REG1A: variants seen among roughly 807,000 people sequenced by gnomAD.
REG1A encodes the protein lithostathine-1-alpha.
Under a neutral mutation model 20.7 loss-of-function variants are expected in REG1A, and 20 were observed. The observed-to-expected ratio is 0.97, with a 90% CI of 0.68 to 1.41. The LOEUF is 1.41. Among genes scored for constraint, REG1A ranks in the 40% most tolerant of loss-of-function variants. The probability of loss-of-function intolerance (pLI) is 0.00; values close to 1 mark genes in which losing one functional copy is unlikely to be tolerated. For missense variants in REG1A, 193 were observed against 201.8 expected, an observed-to-expected ratio of 0.96 and a Z score of 0.26; for synonymous variants, 90 against 71.6, an observed-to-expected ratio of 1.26 and a Z score of -1.30.
chr2:79,122,160 G>A (rs747834711), intron 4 of REG1A, 35 bp downstream of exon 4: 19 of 1,602,534 alleles, frequency 1.2e-5, no homozygotes, highest in Admixed American at 3.5e-5. Context: ...CTAATGATCA[G>A]GTTTGAGAAG....
rs369983287 is a variant in REG1A, at chr2:79,122,838, T to C, written c.322-3T>C. On this transcript the variant is annotated splice_polypyrimidine_tract_variant and splice_region_variant and intron_variant, in intron 4 of 5. Transcript: ENST00000233735. Reference sequence around the variant, plus strand: ...GCCTCTGTTCTGGCCCTTCCCCATCTAGAACCGCCGCTGGCACTGGAGCAG... The same window carrying C: ...GCCTCTGTTCTGGCCCTTCCCCATCCAGAACCGCCGCTGGCACTGGAGCAG... 35 of 1,612,082 alleles carry C rather than the reference T, an allele frequency of 2.2e-5. No individual in the cohort carries two copies. The African/African-American group carries it at 4.0e-4, about 18-fold the overall frequency.
intron 1 of REG1A, 127 bp from the exon 2 acceptor site, chr2:79,120,689 C>T (rs964533678): frequency 2.2e-6 from 1 of 459,004 alleles, no homozygotes. Context: ...TCAAGAGAAA[C>T]ATTTGAAGGT....
intron 3 of REG1A, 149 bp from the exon 4 acceptor site, chr2:79,121,839 C>A: frequency 7.4e-7 from 1 of 1,351,228 alleles, no homozygotes; most frequent in Non-Finnish European, 1.1e-6. Flanking sequence ...TTATTCAGCA[C>A]ATTCCCAGCA....
At chr2:79,121,016 A>G (rs1672876605) in intron 2 of REG1A, 91 bp downstream of exon 2, 1 of 1,033,778 alleles carries the variant, frequency 9.7e-7, no homozygotes, top group Non-Finnish European at 1.4e-6. Flanking sequence ...AAAAAAAAAA[A>G]AAGCAGAGTC....
chr2:79,121,946 A>G (rs1184315729), intron 3 of REG1A, 42 bp from the exon 4 acceptor site: 1 of 1,608,594 alleles, frequency 6.2e-7, no homozygotes, highest in Admixed American at 1.7e-5. Context: ...TATCCGTCAC[A>G]ACTTCCTCCT....
Position 79,120,849 on chromosome 2 carries a change from A to G in REG1A, c.-13A>G, listed in dbSNP as rs1163487817. The stretch of plus-strand genomic sequence containing the variant: ...GATTTGCCTCTTAAGCAAGAGATTC[A>G]TTGCAGCTCAGCATGGCTCAGACCA... On this transcript the variant is annotated 5_prime_UTR_variant, in exon 2 of 6. Transcript: ENST00000233735. The G allele has an allele frequency of 5.6e-6, 9 of 1,596,254 alleles. No homozygotes were observed. The highest frequency in any genetic ancestry group is 7.7e-6 in the Non-Finnish European group (9 of 1,168,284).
At position 79,120,520 on chromosome 2, in the gene REG1A, T is replaced by C. The variant is rs771685184; in HGVS notation, c.-47+6T>C. ...AACTCAGACTCAGCCAACAGGTAAG[T>C]GGGCATTACAGGAGAAGGGCGTCTC... On this transcript the variant is annotated splice_donor_region_variant and intron_variant, in intron 1 of 5. Coordinates refer to ENST00000233735, the MANE Select transcript of REG1A (RefSeq NM_002909.5). 4.6e-6 allele frequency: 1 copy of C among 219,636 alleles called. No homozygotes were observed. The highest frequency in any genetic ancestry group is 8.9e-6 in the Non-Finnish European group (1 of 112,412). The allele number at this position is 219,636 out of a possible 1,614,324, so 13.6% of individuals were successfully genotyped here.
intron 5 of REG1A, 40 bp from the exon 6 acceptor site, chr2:79,123,108 T>C (rs1269665737): frequency 1.3e-6 from 2 of 1,553,512 alleles, no homozygotes; most frequent in African/African-American, 2.7e-5. Context: ...GTCATACTCT[T>C]TCGGGTCTCC....
rs1310961528 is a variant in REG1A, at chr2:79,123,293, A to G, written c.*78A>G. On this transcript the variant is annotated 3_prime_UTR_variant, in exon 6 of 6. Coordinates refer to ENST00000233735, the MANE Select transcript of REG1A (RefSeq NM_002909.5). ...AAAAATTAAACCGGACCATCTCTCC[A>G]ACTCAACTCAACCTGGACACTCTCT... 1 of 854,808 alleles carries G rather than the reference A, an allele frequency of 1.2e-6. No homozygotes were observed. Among genetic ancestry groups the G allele is most frequent in the African/African-American group, 1.7e-5 (1 of 59,228 alleles). 53.0% of individuals were successfully genotyped at this position (854,808 alleles called of 1,614,324 possible). A position where few individuals can be genotyped will look rare whatever the true frequency, so the allele number is the denominator to read the frequency against.
At chr2:79,120,548 A>T in intron 1 of REG1A, 34 bp downstream of exon 1, 1 of 281,176 alleles carries the variant, frequency 3.6e-6, no homozygotes, top group East Asian at 6.2e-5. Flanking sequence ...GGCGTCTCTA[A>T]CATGCACTGT....
chr2:79,121,613 G>C lies in REG1A; in HGVS notation c.116G>C (p.Gly39Ala). The stretch of plus-strand genomic sequence containing the variant: ...CAGGCCCGGATCAGCTGCCCAGAAG[G>C]CACCAATGCCTATCGCTCCTACTGC... ...LPQARISCPE[G>A]TNAYRSYCYY... The change falls in exon 3 of 6, where the codon GGC becomes GCC. Residue 39 changes from glycine to alanine, a missense_variant. Gly to Ala is a moderately conservative substitution (Grantham distance 60). Coordinates refer to ENST00000233735, the MANE Select transcript of REG1A (RefSeq NM_002909.5). 1 of 1,614,074 alleles carries C rather than the reference G, an allele frequency of 6.2e-7. No individual in the cohort carries two copies. The highest frequency in any genetic ancestry group is 2.2e-5 in the East Asian group (1 of 44,852).
At chr2:79,121,858 C>T in intron 3 of REG1A, 130 bp from the exon 4 acceptor site, 1 of 1,408,342 alleles carries the variant, frequency 7.1e-7, no homozygotes, top group African/African-American at 1.4e-5. Context: ...CACAAAGAAC[C>T]TGGTGGTCAG....
rs752222929 is a variant in REG1A at position 79,122,871 on chromosome 2, C to T, written c.352C>T (p.Leu118=). ...CCGCTGGCACTGGAGCAGTGGGTCC[C>T]TGGTCTCCTACAAGTCCTGGGGCAT... ...NRRWHWSSGS[L]VSYKSWGIGA... The change falls in exon 5 of 6, where the codon CTG becomes TTG. Residue 118 remains leucine (L), a synonymous_variant. Transcript: ENST00000233735. 8 of 1,613,600 alleles carry T rather than the reference C, an allele frequency of 5.0e-6. No individual in the cohort carries two copies. Among genetic ancestry groups the T allele is most frequent in the Non-Finnish European group, 6.8e-6 (8 of 1,180,006 alleles).
chr2:79,121,328 C>T (rs1283900485), intron 2 of REG1A, among the ~76,000 whole-genome samples: 1 of 152,138 alleles, frequency 6.6e-6, no homozygotes. Flanking sequence ...GCCTGAGCTC[C>T]AGACATAAAA....
At chr2:79,120,982 C>A in intron 2 of REG1A, 57 bp downstream of exon 2, 1 of 1,400,954 alleles carries the variant, frequency 7.1e-7, no homozygotes, top group Non-Finnish European at 1.0e-6. Context: ...TCACTCTATC[C>A]CCAAGCATAC....
At chr2:79,121,746 G>C in intron 3 of REG1A, 66 bp downstream of exon 3, 1 of 1,464,848 alleles carries the variant, frequency 6.8e-7, no homozygotes, top group Non-Finnish European at 9.6e-7. Context: ...ACTCTCCAGT[G>C]TGTTCAGTGG....
intron 2 of REG1A, 129 bp downstream of exon 2, chr2:79,121,054 A>C: frequency 1.5e-6 from 1 of 679,098 alleles, no homozygotes; most frequent in Non-Finnish European, 2.5e-6. Flanking sequence ...TGTGGTGTTT[A>C]GTGATCTTTA....
At chr2:79,121,514 C>A (rs1672885614) in intron 2 of REG1A, 48 bp from the exon 3 acceptor site, 1 of 1,494,262 alleles carries the variant, frequency 6.7e-7, no homozygotes, top group Non-Finnish European at 9.3e-7. Context: ...CACCTTCAAG[C>A]CTTTTCCTTA....
rs1446084582 is a variant in REG1A, at chr2:79,122,878, C to T, written c.359C>T (p.Ser120Phe). 6.2e-7 allele frequency: 1 copy of T among 1,613,838 alleles called. No individual in the cohort carries two copies. The highest frequency in any genetic ancestry group is 8.5e-7 in the Non-Finnish European group (1 of 1,180,004). The change falls in exon 5 of 6, where the codon TCC becomes TTC. Residue 120 changes from serine to phenylalanine, a missense_variant. Physicochemically the swap from Ser to Phe is radical, Grantham distance 155 (BLOSUM62 -2). Transcript: ENST00000233735. The stretch of plus-strand genomic sequence containing the variant: ...CACTGGAGCAGTGGGTCCCTGGTCT[C>T]CTACAAGTCCTGGGGCATTGGAGCC... ...RWHWSSGSLV[S>F]YKSWGIGAPS...
Sources: gnomAD v4.1 joint callset for allele counts (sites outside exome capture counted in the v4.1 genomes callset) on GRCh38, gnomAD v4.1.1 for gene constraint, MANE v1.5 for transcripts, NCBI Gene and HGNC (gene_info 2026-07-23, HGNC 2026-07-21) for gene names.